STRIP2: variants seen among roughly 807,000 people sequenced by gnomAD.
STRIP2 encodes the protein striatin interacting protein 2.
In STRIP2, 84 loss-of-function variants were observed where a neutral mutation model predicts 107.1. That is an observed-to-expected ratio of 0.78 (90% CI 0.66 to 0.94). STRIP2 has a LOEUF of 0.94. Ranked by LOEUF, STRIP2 falls within the 40% of genes least tolerant of loss-of-function variation. The pLI, the probability that STRIP2 is intolerant of heterozygous loss-of-function variation, is 0.00. For missense variants in STRIP2, 888 were observed against 1,034.2 expected, an observed-to-expected ratio of 0.86 and a Z score of 1.94; for synonymous variants, 394 against 400.4, an observed-to-expected ratio of 0.98 and a Z score of 0.19.
rs1339307920 is a variant in STRIP2, at chr7:129,486,414, GTGT to G, written c.*589_*591del. The stretch of plus-strand genomic sequence containing the variant: ...TCAATACTGCATGTTATCGAAAAGT[GTGT>G]TGTGTAAAGTGTTTTTTTCCTCATT... On this transcript the variant is annotated 3_prime_UTR_variant, in exon 21 of 21. Transcript: ENST00000249344. 6.5e-6 allele frequency: 1 copy of G among 154,762 alleles called. No homozygotes were observed. The highest frequency in any genetic ancestry group is 2.5e-5 in the African/African-American group (1 of 40,716). The allele number at this position is 154,762 out of a possible 1,614,324, so 9.6% of individuals were successfully genotyped here.
intron 2 of STRIP2, 143 bp downstream of exon 2, chr7:129,440,234 C>G: frequency 1.5e-6 from 1 of 662,878 alleles, no homozygotes; most frequent in South Asian, 1.9e-5. Context: ...TCCTCTCCAT[C>G]CAAGTGGTAA....
At chr7:129,477,691 A>G (rs1562917713) in intron 18 of STRIP2, among the ~76,000 whole-genome samples, 2 of 152,260 alleles carry the variant, frequency 1.3e-5, no homozygotes, top group African/African-American at 4.8e-5. Flanking sequence ...TCAAAAACCC[A>G]TATGATAAGA....
In STRIP2 at chr7:129,452,700, C is replaced by T. The variant is rs74303264; in HGVS notation, c.410-527C>T. 5.9e-5 allele frequency among the ~76,000 whole-genome samples: 9 copies of T among 152,324 alleles called. No individual in the cohort carries two copies. The East Asian group carries it at 1.5e-3, about 26-fold the overall frequency. On this transcript the variant is annotated intron_variant, in intron 4 of 20. Coordinates refer to ENST00000249344, the MANE Select transcript of STRIP2 (RefSeq NM_020704.3). ...CCATGCTCAGCTTCTGCTCAAGGGCCTTCTCTGCAGCCCATACAGGGCATC... is the reference window on the plus strand; with the variant it reads ...CCATGCTCAGCTTCTGCTCAAGGGCTTTCTCTGCAGCCCATACAGGGCATC...
chr7:129,456,787 G>A (rs11762687), intron 9 of STRIP2, 145 bp downstream of exon 9: 4 of 698,626 alleles, frequency 5.7e-6, no homozygotes, highest in East Asian at 2.7e-5. Context: ...TGAAATCTTA[G>A]GGTCTCTAGT....
intron 18 of STRIP2, among the ~76,000 whole-genome samples, chr7:129,480,056 C>T (rs746451147): frequency 7.2e-5 from 11 of 152,128 alleles, no homozygotes; most frequent in Non-Finnish European, 1.5e-4. Flanking sequence ...TTGGCTGTCA[C>T]GTGTGCTCAT....
At chr7:129,448,446 C>T (rs990075258) in intron 3 of STRIP2, among the ~76,000 whole-genome samples, 28 of 152,138 alleles carry the variant, frequency 1.8e-4, no homozygotes, top group Admixed American at 1.4e-3. Flanking sequence ...CAAGGGAACC[C>T]GGCCTCCCCT....
In STRIP2 at chr7:129,454,193, T is replaced by C; in HGVS notation, c.582T>C (p.Ala194=). Residue 194 remains alanine, a synonymous_variant, in exon 6 of 21, where the codon GCT becomes GCC. Coordinates refer to ENST00000249344, the MANE Select transcript of STRIP2 (RefSeq NM_020704.3). ...SALRKPAVSI[A]DSTELRVLLS... is the part of the protein sequence containing the mutation. ...TTCGGAAACCAGCTGTCTCCATAGC[T>C]GATAGCACAGAGCTCAGGTGAGTGG... 1.9e-6 allele frequency: 3 copies of C among 1,614,192 alleles called. No individual in the cohort carries two copies. Among genetic ancestry groups the C allele is most frequent in the East Asian group, 2.2e-5 (1 of 44,890 alleles).
At chr7:129,467,583 A>C in intron 17 of STRIP2, 133 bp downstream of exon 17, 1 of 558,782 alleles carries the variant, frequency 1.8e-6, no homozygotes. Flanking sequence ...GTTAAATTTA[A>C]TTTCCTTGAA....
At position 129,459,495 on chromosome 7, in the gene STRIP2, T is replaced by C; in HGVS notation, c.1341-22T>C. Reference sequence around the variant, plus strand: ...TCTCGTACTTTGGAAGCTTATGATCTGGTATGTCTGGCCTTTTACAGGGAC... The same window carrying C: ...TCTCGTACTTTGGAAGCTTATGATCCGGTATGTCTGGCCTTTTACAGGGAC... On this transcript the variant is annotated intron_variant, in intron 11 of 20. Coordinates refer to ENST00000249344, the MANE Select transcript of STRIP2 (RefSeq NM_020704.3). 1.9e-6 allele frequency: 3 copies of C among 1,610,966 alleles called. No homozygotes were observed. In the South Asian group the frequency reaches 3.3e-5, roughly 18 times the overall value.
intron 2 of STRIP2, among the ~76,000 whole-genome samples, chr7:129,441,889 T>G (rs573606849): frequency 6.6e-6 from 1 of 152,236 alleles, no homozygotes; most frequent in Non-Finnish European, 1.5e-5. Context: ...GTGCTGGGAC[T>G]ACAGGTGTGA....
chr7:129,443,990 C>T (rs371441882), intron 2 of STRIP2, 34 bp from the exon 3 acceptor site: 3 of 1,562,882 alleles, frequency 1.9e-6, no homozygotes, highest in Non-Finnish European at 2.6e-6. Flanking sequence ...TTAAGGATCT[C>T]CCGAATGTGA....
intron 9 of STRIP2, 51 bp downstream of exon 9, chr7:129,456,693 A>G (rs753336): frequency 0.37 from 560,190 of 1,512,976 alleles, 107,994 homozygotes; most frequent in East Asian, 0.62. Context: ...GCCAAAAATC[A>G]AGATTCTAAG....
intron 17 of STRIP2, among the ~76,000 whole-genome samples, chr7:129,467,988 A>G (rs773129781): frequency 1.3e-5 from 2 of 152,146 alleles, no homozygotes; most frequent in African/African-American, 2.4e-5. Context: ...TCATTTTTCC[A>G]ATTAGGAAAC....
rs142406635 is a variant in STRIP2, at chr7:129,456,629, G to A, written c.1025G>A (p.Arg342His). ...CCACCCTCCAAGCTGCGAGGCCGCC[G>A]TGGCTCTCGAAGGGTATGGACTGAA... ...APPPSKLRGR[R>H]GSRRQLLTKQ... Residue 342 changes from arginine to histidine, a missense_variant, in exon 9 of 21, where the codon CGT (arginine) becomes CAT (histidine). Arg to His is a conservative substitution (Grantham distance 29). Coordinates refer to ENST00000249344, the MANE Select transcript of STRIP2 (RefSeq NM_020704.3). 40 of 1,613,972 alleles carry A rather than the reference G, an allele frequency of 2.5e-5. 1 individual carries two copies. The highest frequency in any genetic ancestry group is 1.0e-4 in the Admixed American group (6 of 60,022).
intron 3 of STRIP2, among the ~76,000 whole-genome samples, 153 bp from the exon 4 acceptor site, chr7:129,451,460 C>T (rs980993675): frequency 1.3e-5 from 2 of 152,148 alleles, no homozygotes; most frequent in Non-Finnish European, 2.9e-5. Context: ...GTCCTTTTCC[C>T]ATACCTTATT....
At chr7:129,474,056 A>G (rs1798857846) in intron 18 of STRIP2, among the ~76,000 whole-genome samples, 1 of 152,094 alleles carries the variant, frequency 6.6e-6, no homozygotes, top group Admixed American at 6.5e-5. Context: ...ATATTCCACT[A>G]TTTAGTTTCA....
intron 2 of STRIP2, among the ~76,000 whole-genome samples, chr7:129,443,742 C>T (rs1258047498): frequency 2.6e-5 from 4 of 152,196 alleles, no homozygotes; most frequent in African/African-American, 7.2e-5. Flanking sequence ...TGAGATTAAG[C>T]TCTCTGTGCT....
chr7:129,471,626 G>T (rs1798790606), intron 18 of STRIP2, among the ~76,000 whole-genome samples: 1 of 152,172 alleles, frequency 6.6e-6, no homozygotes, highest in Non-Finnish European at 1.5e-5. Flanking sequence ...AATCTCTGTG[G>T]TACAGGTTTT....
chr7:129,441,942 C>G (rs1339774302), intron 2 of STRIP2, among the ~76,000 whole-genome samples: 1 of 152,180 alleles, frequency 6.6e-6, no homozygotes, highest in African/African-American at 2.4e-5. Flanking sequence ...TCAATAAATG[C>G]TTGGCCAGGT....
Sources: allele counts gnomAD v4.1 joint callset (sites outside exome capture counted in the v4.1 genomes callset), GRCh38; gene constraint gnomAD v4.1.1; transcripts MANE v1.5; gene names NCBI Gene and HGNC (gene_info 2026-07-23, HGNC 2026-07-21).